TTN: variants seen among roughly 807,000 people sequenced by gnomAD.
TTN encodes the protein connectin.
Under a neutral mutation model 3,223.0 loss-of-function variants are expected in TTN, and 1,525 were observed. The observed-to-expected ratio is 0.47, with a 90% CI of 0.45 to 0.49. The LOEUF (loss-of-function observed/expected upper bound fraction) is 0.49, where lower values mean the gene tolerates loss of function less well. Among genes scored for constraint, TTN ranks in the 20% least tolerant of loss-of-function variants. The pLI, the probability that TTN is intolerant of heterozygous loss-of-function variation, is 0.00. For missense variants in TTN, 40,786 were observed against 43,424.0 expected (o/e 0.94, Z 5.40); for synonymous variants, 14,094 against 15,161.0 (o/e 0.93, Z 5.17).
At chr2:178,726,533 C>CAA (rs3045700) in intron 69 of TTN, 24,880 of 133,226 alleles carry the variant, frequency 0.19, 2,329 homozygotes, top group East Asian at 0.44. Context: ...GCCTTTGTGA[C>CAA]AAAAAAAAAA....
chr2:178,643,253 A>T (rs898690928), intron 218 of TTN, among the ~76,000 whole-genome samples: 1 of 152,004 alleles, frequency 6.6e-6, no homozygotes, highest in Admixed American at 6.6e-5. Flanking sequence ...TAAACAAGAT[A>T]TTTGCAATTC....
intron 249 of TTN, 48 bp downstream of exon 249, chr2:178,619,940 T>C (rs751772093): frequency 1.3e-6 from 2 of 1,594,784 alleles, no homozygotes; most frequent in South Asian, 2.3e-5. Context: ...TGATTAACAA[T>C]TTTAAAAAAT....
At chr2:178,752,334 G>T (rs549486159) in intron 47 of TTN, among the ~76,000 whole-genome samples, 1 of 152,176 alleles carries the variant, frequency 6.6e-6, no homozygotes, top group South Asian at 2.1e-4. Flanking sequence ...TGTTTTGAGA[G>T]CAGGAAAACT....
rs869312085 is a variant in TTN at position 178,539,559 on chromosome 2, G to A, written c.98506C>T (p.Arg32836Ter). Residue 32836 changes from arginine to a stop codon, truncating the protein, a stop_gained, in exon 352 of 363, where the codon CGA becomes TGA. Transcript: ENST00000589042. LOFTEE classifies it high-confidence loss of function. ...ADILGYILER[R>*]EVPKAAWYTI... ...TACCAGGCGGCTTTAGGCACTTCTC[G>A]TCTCTCGAGGATGTAGCCTAAGATG... 9 of 1,613,734 alleles carry A rather than the reference G, an allele frequency of 5.6e-6. No individual in the cohort carries two copies. Among genetic ancestry groups the A allele is most frequent in the South Asian group, 1.1e-5 (1 of 91,070 alleles).
rs745438982 is a variant in TTN at position 178,719,318 on chromosome 2, C to T, written c.24072G>A (p.Glu8024=). Residue 8024 remains glutamate, a synonymous_variant, in exon 83 of 363, where the codon GAG becomes GAA. Transcript: ENST00000589042. The stretch of plus-strand genomic sequence containing the variant: ...ACTGACATTTGGGCCCACTAACAAT[C>T]TCATTTCCATCCTGAAACCAGCCAA... The part of the protein sequence containing the change: ...ISVGWFQDGN[E]IVSGPKCQSS... The T allele has an allele frequency of 6.2e-7, 1 of 1,613,776 alleles. No individual in the cohort carries two copies. The highest frequency in any genetic ancestry group is 8.5e-7 in the Non-Finnish European group (1 of 1,179,750).
rs727505144 is a variant in TTN, at chr2:178,633,323, C to G, written c.42950G>C (p.Arg14317Pro). ...KTKANVTVEARLIKVEKPLYG... is the reference protein window; with the variant it reads ...KTKANVTVEAPLIKVEKPLYG... ...CAGAGGCTTTTCCACTTTTATTAGTCGAGCTGAAATGATACAGTTTTGTTA... is the reference window on the plus strand; with the variant it reads ...CAGAGGCTTTTCCACTTTTATTAGTGGAGCTGAAATGATACAGTTTTGTTA... The change falls in exon 233 of 363, where the codon CGA (arginine) becomes CCA (proline). Residue 14317 changes from arginine (R) to proline (P), a missense_variant. Transcript: ENST00000589042. 64 of 1,612,600 alleles carry G rather than the reference C, an allele frequency of 4.0e-5. No individual in the cohort carries two copies. In the Admixed American group the frequency reaches 1.0e-3, roughly 26 times the overall value.
In TTN at chr2:178,575,224, A is replaced by C; in HGVS notation, c.70908T>G (p.Arg23636=). The change falls in exon 326 of 363, where the codon CGT becomes CGG. Residue 23636 remains arginine (R), a synonymous_variant. Transcript: ENST00000589042. The surrounding 1 kb of genome is among the most constrained non-coding windows in gnomAD (Gnocchi z 4.0). The part of the protein sequence containing the change: ...EQTMLPELDL[R]GIYQKLVIAK... ...CAATGACCAGTTTCTGATAGATGCC[A>C]CGGAGATCCAGCTCTGGAAGCATTG... 6.2e-7 allele frequency: 1 copy of C among 1,612,968 alleles called. No homozygotes were observed. Among genetic ancestry groups the C allele is most frequent in the Non-Finnish European group, 8.5e-7 (1 of 1,179,474 alleles).
chr2:178,780,655 T>C (rs1447696384), intron 21 of TTN, among the ~76,000 whole-genome samples: 1 of 152,198 alleles, frequency 6.6e-6, no homozygotes, highest in Non-Finnish European at 1.5e-5. Context: ...TGTTTTCAAG[T>C]TATAAACATT....
chr2:178,596,709 T>C (rs1471703277), intron 294 of TTN, among the ~76,000 whole-genome samples: 2 of 152,116 alleles, frequency 1.3e-5, no homozygotes, highest in African/African-American at 4.8e-5. Context: ...ATATTTTTCC[T>C]TATGCCATTC....
chr2:178,695,532 CGTT>C, intron 114 of TTN, 122 bp from the exon 115 acceptor site: 1 of 735,806 alleles, frequency 1.4e-6, no homozygotes, highest in Non-Finnish European at 2.2e-6. Flanking sequence ...TATTTGGGAT[CGTT>C]ATTACCAACA....
At position 178,777,112 on chromosome 2, in the gene TTN, T is replaced by C. The variant is rs1574668223; in HGVS notation, c.4814+37A>G. On this transcript the variant is annotated intron_variant, in intron 27 of 362. Coordinates refer to ENST00000589042, the MANE Select transcript of TTN (RefSeq NM_001267550.2). Reference sequence around the variant, plus strand: ...GTATAGCTTCCCTGGTTATTGGATTTGTATAATGAGCTTAGCTTTATTATT... The same window carrying C: ...GTATAGCTTCCCTGGTTATTGGATTCGTATAATGAGCTTAGCTTTATTATT... 1.1e-5 allele frequency: 18 copies of C among 1,614,042 alleles called. No homozygotes were observed. The East Asian group carries it at 4.0e-4, about 36-fold the overall frequency.
At chr2:178,737,920 C>T (rs2081810956) in intron 49 of TTN, 162 bp downstream of exon 49, 3 of 705,758 alleles carry the variant, frequency 4.3e-6, no homozygotes, top group Admixed American at 3.4e-5. Context: ...ATAATGATTT[C>T]TTATCCCATA....
chr2:178,646,715 G>A (rs1243320403), intron 215 of TTN, among the ~76,000 whole-genome samples, 156 bp from the exon 216 acceptor site: 6 of 151,990 alleles, frequency 3.9e-5, no homozygotes, highest in South Asian at 2.1e-4. Flanking sequence ...ATAAGAAAAA[G>A]TTCTTTTACT....
chr2:178,688,915 T>A, intron 125 of TTN, 137 bp from the exon 126 acceptor site: 1 of 1,162,142 alleles, frequency 8.6e-7, no homozygotes, highest in Non-Finnish European at 1.2e-6. Context: ...CACAAGGACA[T>A]AAACACAAAA....
chr2:178,664,952 T>C, intron 165 of TTN, 26 bp from the exon 166 acceptor site: 1 of 1,586,918 alleles, frequency 6.3e-7, no homozygotes, highest in Non-Finnish European at 8.6e-7. Flanking sequence ...CAATTCACAT[T>C]TAAGAGTTAA....
chr2:178,557,671 C>T lies in TTN; in HGVS notation c.87683G>A (p.Cys29228Tyr). Residue 29228 changes from cysteine to tyrosine, a missense_variant, in exon 328 of 363, where the codon TGT (cysteine) becomes TAT (tyrosine). Physicochemically the swap from Cys to Tyr is radical, Grantham distance 194. Coordinates refer to ENST00000589042, the MANE Select transcript of TTN (RefSeq NM_001267550.2). Reference sequence around the variant, plus strand: ...ACTGTATGGTAGTTTGACAGTCACACAAGCTGAATCTATATGATCACTGAT... The same window carrying T: ...ACTGTATGGTAGTTTGACAGTCACATAAGCTGAATCTATATGATCACTGAT... ...FGISDHIDSA[C>Y]VTVKLPYTTP... 1 of 1,613,828 alleles carries T rather than the reference C, an allele frequency of 6.2e-7. No homozygotes were observed. The highest frequency in any genetic ancestry group is 8.5e-7 in the Non-Finnish European group (1 of 1,179,842).
chr2:178,797,817 T>A (rs191881347), intron 6 of TTN, among the ~76,000 whole-genome samples: 172 of 152,292 alleles, frequency 1.1e-3, no homozygotes, highest in African/African-American at 3.8e-3. Flanking sequence ...TGTAGTTGAA[T>A]CTGTAACTGT....
chr2:178,694,748 TTATA>T, intron 116 of TTN, 72 bp from the exon 117 acceptor site: 1 of 1,489,952 alleles, frequency 6.7e-7, no homozygotes, highest in Non-Finnish European at 9.1e-7. Context: ...AAGTATTTGA[TTATA>T]TAAATAACTA....
Position 178,595,655 on chromosome 2 carries a change from T to C in TTN, c.57699A>G (p.Pro19233=), listed in dbSNP as rs374467756. 4 of 1,607,934 alleles carry C rather than the reference T, an allele frequency of 2.5e-6. No homozygotes were observed. Among genetic ancestry groups the C allele is most frequent in the Non-Finnish European group, 3.4e-6 (4 of 1,177,196 alleles). The part of the protein sequence containing the change: ...KRESDRRAWT[P]VTYTVTRQNA... ...TTTGTCGGGTAACTGTATATGTCAC[T>C]GGGGTCCATGCTCTGCGGTCAGATT... is the stretch of plus-strand genomic sequence containing the variant. The change falls in exon 295 of 363, where the codon CCA becomes CCG. Residue 19233 remains proline, a synonymous_variant. Transcript: ENST00000589042.
Sources: gnomAD v4.1 joint callset for allele counts (sites outside exome capture counted in the v4.1 genomes callset) on GRCh38, gnomAD v4.1.1 for gene constraint, Gnocchi (gnomAD v3.1) non-coding constraint, MANE v1.5 for transcripts, NCBI Gene and HGNC (gene_info 2026-07-23, HGNC 2026-07-21) for gene names.